The following MCF2L variants were observed in gnomAD, a reference collection of about 807,000 sequenced individuals.
MCF2L encodes MCF.2 cell line derived transforming sequence like, also known as guanine nucleotide exchange factor DBS.
Under a neutral mutation model 153.4 loss-of-function variants are expected in MCF2L, and 97 were observed. The ratio of observed to expected loss-of-function variants is 0.63; its 90% CI spans 0.54 to 0.75. MCF2L has a LOEUF of 0.75. MCF2L is among the 30% of genes least tolerant of loss of function. MCF2L has a pLI of 0.00. For missense variants in MCF2L, 1,347 were observed against 1,495.2 expected (o/e 0.90, Z 1.64); for synonymous variants, 659 against 632.2 (o/e 1.04, Z -0.64).
intron 26 of MCF2L, among the ~76,000 whole-genome samples, chr13:113,091,629 A>C (rs1310717241): frequency 6.6e-6 from 1 of 151,804 alleles, no homozygotes; most frequent in African/African-American, 2.4e-5. Flanking sequence ...GCCGACCCGG[A>C]CCCTCCTTTC....
intron 3 of MCF2L, chr13:113,042,199 G>A (rs1537023): frequency 0.17 from 25,493 of 152,168 alleles, 2,218 homozygotes; most frequent in Admixed American, 0.23. Context: ...CCCCATGCCC[G>A]CACCCACGAT....
rs1461587886 is a variant in MCF2L, at chr13:112,932,635, TCTAAACAAAG to T, written c.169+30275_169+30284del. On this transcript the variant is annotated intron_variant, in intron 2 of 29. Transcript: ENST00000375608. The surrounding 1 kb of genome is among the most constrained non-coding windows in gnomAD (Gnocchi z 4.6). ...AGTTTTGCTGTAAATCTAAAGCTGT[TCTAAACAAAG>T]CTAAACAAAGTTACTTAAAAAAGAA... Among the ~76,000 whole-genome samples the T allele has an allele frequency of 6.6e-6, 1 of 152,150 alleles. No homozygotes were observed. The highest frequency in any genetic ancestry group is 1.9e-4 in the East Asian group (1 of 5,192).
At chr13:112,908,741 T>G (rs77384099) in intron 2 of MCF2L, among the ~76,000 whole-genome samples, 6 of 61,550 alleles carry the variant, frequency 9.7e-5, no homozygotes, top group Non-Finnish European at 1.6e-4. Flanking sequence ...GGTTTTTTTT[T>G]GTTTTTTTTT....
Position 112,911,987 on chromosome 13 carries a change from G to GA in MCF2L, c.169+9622dup, listed in dbSNP as rs757525676. On this transcript the variant is annotated intron_variant, in intron 2 of 29. Transcript: ENST00000375608. ...ATGAACTTTGAATTCTTTTTAAAAA[G>GA]AAAAAACAATGTCTTCATTGAGTAA... Among the ~76,000 whole-genome samples the GA allele has an allele frequency of 5.9e-5, 9 of 152,300 alleles. No homozygotes were observed. In the East Asian group the frequency reaches 7.7e-4, roughly 13 times the overall value.
chr13:112,917,577 G>GC (rs2081307518), intron 2 of MCF2L: 3 of 184,152 alleles, frequency 1.6e-5, no homozygotes. Context: ...GGTAAACACA[G>GC]CCCCCTCCGG....
chr13:113,008,539 A>G (rs1355473868), intron 1 of MCF2L, among the ~76,000 whole-genome samples: 2 of 152,368 alleles, frequency 1.3e-5, no homozygotes, highest in Middle Eastern at 3.4e-3. Flanking sequence ...GTAATTCTTC[A>G]TCTATTTGAA....
In MCF2L at chr13:113,001,874, G is replaced by C. The variant is rs563213585; in HGVS notation, c.80-12889G>C. 43 of 1,565,114 alleles carry C rather than the reference G, an allele frequency of 2.7e-5. No homozygotes were observed. The African/African-American group carries it at 3.1e-4, about 11-fold the overall frequency. The stretch of plus-strand genomic sequence containing the variant: ...TGTGTGCCCGGGAAGGGCGTTCCGG[G>C]AGCCGGGTCGGGGGCTCCTGACTCG... On this transcript the variant is annotated intron_variant, in intron 1 of 29. Coordinates refer to ENST00000535094, the MANE Select transcript of MCF2L (RefSeq NM_001112732.3).
chr13:112,921,099 T>C (rs1051006541), intron 2 of MCF2L, among the ~76,000 whole-genome samples: 2 of 150,842 alleles, frequency 1.3e-5, no homozygotes, highest in East Asian at 3.9e-4. Flanking sequence ...ATGGCGTGAA[T>C]CCGGGAGGCA....
intron 26 of MCF2L, chr13:113,090,631 T>G (rs1053684623): frequency 1.0e-6 from 1 of 985,398 alleles, no homozygotes; most frequent in Non-Finnish European, 1.2e-6. Flanking sequence ...GAGAGCTCCA[T>G]GATGGGAAAT....
chr13:112,981,796 C>T (rs534407196), intron 1 of MCF2L, among the ~76,000 whole-genome samples: 3 of 152,230 alleles, frequency 2.0e-5, no homozygotes, highest in Non-Finnish European at 4.4e-5. Context: ...GCCTGGGCCG[C>T]CAGCGTGACC....
chr13:112,945,123 A>G (rs1045240937), intron 2 of MCF2L, among the ~76,000 whole-genome samples: 12 of 151,106 alleles, frequency 7.9e-5, no homozygotes, highest in African/African-American at 2.7e-4. Context: ...ATACATATCT[A>G]CCATTGCAGT....
In MCF2L at chr13:113,064,249, T is replaced by C. The variant is rs1234399784; in HGVS notation, c.490-55T>C. On this transcript the variant is annotated intron_variant, in intron 5 of 29. Transcript: ENST00000535094. This position sits in a 1 kb window ranked among gnomAD's most constrained non-coding sequence, Gnocchi z 6.0. Reference sequence around the variant, plus strand: ...GGGTGTTCTGCTGATGGGGCAGCTCTTTTGGGAGCCAACAATAATCCCAAA... The same window carrying C: ...GGGTGTTCTGCTGATGGGGCAGCTCCTTTGGGAGCCAACAATAATCCCAAA... The C allele has an allele frequency of 1.9e-5, 25 of 1,330,514 alleles. No homozygotes were observed. Among genetic ancestry groups the C allele is most frequent in the Non-Finnish European group, 2.7e-5 (25 of 925,034 alleles). 82.4% of individuals were successfully genotyped at this position (1,330,514 alleles called of 1,614,324 possible).
At chr13:112,995,003 A>C (rs749462002) in intron 1 of MCF2L, among the ~76,000 whole-genome samples, 1 of 152,198 alleles carries the variant, frequency 6.6e-6, no homozygotes, top group Non-Finnish European at 1.5e-5. Context: ...GACGGTCCCC[A>C]GGGGCGCCTC....
chr13:112,968,697 G>C (rs753393065), upstream of MCF2L: 119 of 1,419,120 alleles, frequency 8.4e-5, no homozygotes, highest in Non-Finnish European at 1.0e-4. Flanking sequence ...TTCTACACCT[G>C]CCACGGGGCG....
At chr13:112,981,670 C>A (rs1186172492) in intron 1 of MCF2L, among the ~76,000 whole-genome samples, 1 of 152,248 alleles carries the variant, frequency 6.6e-6, no homozygotes, top group Non-Finnish European at 1.5e-5. Context: ...CAGCTCCTGG[C>A]AGGGTCCACA....
chr13:113,001,571 G>A (rs903463684), intron 1 of MCF2L: 3 of 515,990 alleles, frequency 5.8e-6, no homozygotes, highest in Non-Finnish European at 8.3e-6. Flanking sequence ...GGACTTTGGC[G>A]GAGTGTGGGG....
At chr13:112,968,147 G>GT (rs1555355471), upstream of MCF2L, among the ~76,000 whole-genome samples, 6 of 147,918 alleles carry the variant, frequency 4.1e-5, 1 homozygote, top group Non-Finnish European at 9.1e-5. Context: ...TGAGGTGGGG[G>GT]GGGGGGTCTT....
rs1005305647 is a variant in MCF2L, at chr13:112,960,663, G to A, written c.170-54100G>A. Among the ~76,000 whole-genome samples the A allele has an allele frequency of 1.3e-5, 2 of 152,152 alleles. No homozygotes were observed. Among genetic ancestry groups the A allele is most frequent in the African/African-American group, 4.8e-5 (2 of 41,428 alleles). On this transcript the variant is annotated intron_variant, in intron 2 of 29. Transcript: ENST00000375608. The surrounding 1 kb of genome is among the most constrained non-coding windows in gnomAD (Gnocchi z 4.2). ...CACATTCATGGTCTATAGCTCTGGAGGCCAGAAGTTCTAACACCAAGGTGT... is the reference window on the plus strand; with the variant it reads ...CACATTCATGGTCTATAGCTCTGGAAGCCAGAAGTTCTAACACCAAGGTGT...
At chr13:113,021,944 G>A (rs3011518) in intron 2 of MCF2L, among the ~76,000 whole-genome samples, 24,645 of 152,198 alleles carry the variant, frequency 0.16, 2,136 homozygotes, top group East Asian at 0.28. Context: ...GAGGCTGTGC[G>A]GCCCAGGCCA....
Sources: gnomAD v4.1 joint callset for allele counts (sites outside exome capture counted in the v4.1 genomes callset) on GRCh38, gnomAD v4.1.1 for gene constraint, Gnocchi (gnomAD v3.1) non-coding constraint, MANE v1.5 for transcripts, NCBI Gene and HGNC (gene_info 2026-07-23, HGNC 2026-07-21) for gene names.